Variants in IFNG observed in about 807,000 individuals in gnomAD.
The protein encoded by IFNG is interferon gamma.
In IFNG, 8 loss-of-function variants were observed where a neutral mutation model predicts 14.4. That is an observed-to-expected ratio of 0.56 (90% confidence interval 0.33 to 1.00). The LOEUF (loss-of-function observed/expected upper bound fraction) is 1.00. IFNG is among the 50% of genes least tolerant of loss of function. The pLI is 0.03. For missense variants in IFNG, 132 were observed against 194.9 expected (o/e 0.68, Z 1.92); for synonymous variants, 73 against 65.4 (o/e 1.12, Z -0.56).
Position 68,155,363 on chromosome 12 carries a change from G to T in IFNG, c.491C>A (p.Ala164Glu). 1 of 1,606,564 alleles carries T rather than the reference G, an allele frequency of 6.2e-7. No individual in the cohort carries two copies. Residue 164 changes from alanine to glutamate, a missense_variant, in exon 4 of 4, where the codon GCA becomes GAA. Physicochemically the swap from Ala to Glu is moderately radical, Grantham distance 107 (BLOSUM62 -1). Coordinates refer to ENST00000229135, the MANE Select transcript of IFNG (RefSeq NM_000619.3). ...CAGGCAGGACAACCATTACTGGGAT[G>T]CTCTTCGACCTCGAAACAGCATCTG... ...RSQMLFRGRR[A>E]SQ
At chr12:68,157,513 T>C (rs1325677614) in intron 3 of IFNG, among the ~76,000 whole-genome samples, 1 of 152,140 alleles carries the variant, frequency 6.6e-6, no homozygotes, top group East Asian at 1.9e-4. Context: ...AGAACACACA[T>C]CTTCTCAGCT....
Position 68,155,456 on chromosome 12 carries a change from A to T in IFNG, c.398T>A (p.Ile133Lys). Residue 133 changes from isoleucine (I) to lysine (K), a missense_variant, in exon 4 of 4, where the codon ATA (isoleucine) becomes AAA (lysine). By Grantham distance (102) the Ile-to-Lys change is moderately radical. Transcript: ENST00000229135. ...VTDLNVQRKAIHELIQVMAEL... is the reference protein window; with the variant it reads ...VTDLNVQRKAKHELIQVMAEL... Reference sequence around the variant, plus strand: ...AGCCATCACTTGGATGAGTTCATGTATTGCTTTGCGTTGGACATTCAAGTC... The same window carrying T: ...AGCCATCACTTGGATGAGTTCATGTTTTGCTTTGCGTTGGACATTCAAGTC... 6.2e-7 allele frequency: 1 copy of T among 1,609,844 alleles called. No homozygotes were observed. Among genetic ancestry groups the T allele is most frequent in the Non-Finnish European group, 8.5e-7 (1 of 1,177,896 alleles).
intron 3 of IFNG, 124 bp from the exon 4 acceptor site, chr12:68,155,611 T>C (rs1882589473): frequency 1.4e-6 from 1 of 717,722 alleles, no homozygotes; most frequent in Non-Finnish European, 2.1e-6. Flanking sequence ...ATTACCTTAA[T>C]ATACAATATT....
At chr12:68,158,341 A>G (rs1453958586) in intron 1 of IFNG, 82 bp from the exon 2 acceptor site, 2 of 895,722 alleles carry the variant, frequency 2.2e-6, no homozygotes, top group African/African-American at 1.7e-5. Flanking sequence ...CATTGAACTC[A>G]GATGTGACAA....
In IFNG at chr12:68,158,018, C is replaced by T. The variant is rs2120745709; in HGVS notation, c.261G>A (p.Gln87=). 1 of 1,610,788 alleles carries T rather than the reference C, an allele frequency of 6.2e-7. No individual in the cohort carries two copies. Among genetic ancestry groups the T allele is most frequent in the Non-Finnish European group, 8.5e-7 (1 of 1,177,916 alleles). Residue 87 remains glutamine (Q), a synonymous_variant, in exon 3 of 4, where the codon CAG becomes CAA. Transcript: ENST00000229135. ...FKLFKNFKDD[Q]SIQKSVETIK... ...TGGTCTCCACACTCTTTTGGATGCT[C>T]TGGTCATCTTTAAAGTTTTTAAAAA...
At chr12:68,159,094 T>C (rs559322039) in intron 1 of IFNG, among the ~76,000 whole-genome samples, 3 of 152,286 alleles carry the variant, frequency 2.0e-5, no homozygotes, top group African/African-American at 7.2e-5. Flanking sequence ...TTGACTTTAA[T>C]TTGTAAACAT....
chr12:68,158,838 T>A (rs1202719248), intron 1 of IFNG, among the ~76,000 whole-genome samples: 4 of 152,074 alleles, frequency 2.6e-5, no homozygotes, highest in Admixed American at 2.6e-4. Context: ...AAACAAATAA[T>A]GAAATATTTA....
intron 3 of IFNG, among the ~76,000 whole-genome samples, chr12:68,157,195 A>G (rs1882613636): frequency 6.6e-6 from 1 of 152,204 alleles, no homozygotes; most frequent in Non-Finnish European, 1.5e-5. Flanking sequence ...CAATCTTTTC[A>G]TAAGGTATAA....
intron 3 of IFNG, 46 bp from the exon 4 acceptor site, chr12:68,155,533 A>C (rs1168678563): frequency 6.4e-7 from 1 of 1,553,148 alleles, no homozygotes; most frequent in East Asian, 2.4e-5. Context: ...CATATAAGCC[A>C]TCAGGATATT....
chr12:68,155,466 G>T lies in IFNG; in HGVS notation c.388C>A (p.Arg130Ser). The T allele has an allele frequency of 1.2e-6, 2 of 1,606,564 alleles. No homozygotes were observed. Among genetic ancestry groups the T allele is most frequent in the Admixed American group, 1.7e-5 (1 of 58,864 alleles). Residue 130 changes from arginine to serine, a missense_variant, in exon 4 of 4, where the codon CGC becomes AGC. Coordinates refer to ENST00000229135, the MANE Select transcript of IFNG (RefSeq NM_000619.3). The part of the protein sequence containing the change: ...NYSVTDLNVQ[R>S]KAIHELIQVM... The stretch of plus-strand genomic sequence containing the variant: ...TGGATGAGTTCATGTATTGCTTTGC[G>T]TTGGACATTCAAGTCAGTTACCTAT...
At chr12:68,158,932 G>T (rs1470480185) in intron 1 of IFNG, among the ~76,000 whole-genome samples, 1 of 152,012 alleles carries the variant, frequency 6.6e-6, no homozygotes, top group Non-Finnish European at 1.5e-5. Flanking sequence ...ACATTCCTTA[G>T]CCAGAATCAT....
At chr12:68,156,030 A>G (rs1882595591) in intron 3 of IFNG, among the ~76,000 whole-genome samples, 1 of 152,210 alleles carries the variant, frequency 6.6e-6, no homozygotes, top group Non-Finnish European at 1.5e-5. Flanking sequence ...ATCCAGGTGC[A>G]TGAAGTGGAA....
At chr12:68,157,180 T>C (rs2120743422) in intron 3 of IFNG, among the ~76,000 whole-genome samples, 1 of 152,332 alleles carries the variant, frequency 6.6e-6, no homozygotes, top group East Asian at 1.9e-4. Context: ...AGAGAGTTGA[T>C]AGAACAATCT....
chr12:68,156,247 T>C (rs1386110155), intron 3 of IFNG, among the ~76,000 whole-genome samples: 2 of 152,370 alleles, frequency 1.3e-5, no homozygotes. Context: ...TATTTATATA[T>C]GGCTTACTGA....
chr12:68,159,424 C>G, intron 1 of IFNG, 78 bp downstream of exon 1: 1 of 681,246 alleles, frequency 1.5e-6, no homozygotes. Context: ...GAGATGACAG[C>G]CTATCAGAGA....
At chr12:68,158,959 C>A (rs1406594606) in intron 1 of IFNG, among the ~76,000 whole-genome samples, 1 of 152,104 alleles carries the variant, frequency 6.6e-6, no homozygotes, top group Non-Finnish European at 1.5e-5. Flanking sequence ...TCCAAAATCC[C>A]AGTGAGCAAC....
At position 68,159,734 on chromosome 12, in the gene IFNG, A is replaced by T; in HGVS notation, c.-119T>A. 1.8e-6 allele frequency: 1 copy of T among 565,218 alleles called. No individual in the cohort carries two copies. The highest frequency in any genetic ancestry group is 2.5e-5 in the South Asian group (1 of 39,480). The allele number at this position is 565,218 out of a possible 1,614,324, so 35.0% of individuals were successfully genotyped here. A position where few individuals can be genotyped will look rare whatever the true frequency, so the allele number is the denominator to read the frequency against. On this transcript the variant is annotated 5_prime_UTR_variant, in exon 1 of 4. Transcript: ENST00000229135. ...AATAGCTGATCTTCAGATGATCAGA[A>T]CAATGTGCTGCACCTCCTCTGGCTG...
intron 2 of IFNG, 46 bp downstream of exon 2, chr12:68,158,145 A>G (rs1882629658): frequency 6.3e-7 from 1 of 1,596,284 alleles, no homozygotes; most frequent in East Asian, 2.2e-5. Flanking sequence ...TATCCATCAG[A>G]AAGCAAGCAA....
chr12:68,159,378 C>G, intron 1 of IFNG, 124 bp downstream of exon 1: 1 of 576,832 alleles, frequency 1.7e-6, no homozygotes. Context: ...CAATAATTAA[C>G]AAAATAACAC....
Sources: gnomAD v4.1 joint callset for allele counts (sites outside exome capture counted in the v4.1 genomes callset) on GRCh38, gnomAD v4.1.1 for gene constraint, MANE v1.5 for transcripts, NCBI Gene and HGNC (gene_info 2026-07-23, HGNC 2026-07-21) for gene names.